Variants in DPP10 observed in about 807,000 individuals in gnomAD.
The protein encoded by DPP10 is inactive dipeptidyl peptidase 10.
DPP10 carries 33 observed loss-of-function variants against 120.9 expected under a neutral mutation model. That is an observed-to-expected ratio of 0.27 (90% CI 0.21 to 0.37). DPP10 has a LOEUF of 0.37. Ranked by LOEUF, DPP10 falls within the 10% of genes least tolerant of loss-of-function variation. DPP10 has a pLI of 1.00. For synonymous variants in DPP10, 337 were observed against 326.1 expected (o/e 1.03, Z -0.36); for missense variants, 816 against 942.8 (o/e 0.87, Z 1.76).
intron 24 of DPP10, among the ~76,000 whole-genome samples, chr2:115,839,458 G>C (rs1689859193): frequency 6.6e-6 from 1 of 151,970 alleles, no homozygotes; most frequent in Non-Finnish European, 1.5e-5. Flanking sequence ...GGCAGCTCAC[G>C]AGGTCAGGAG....
intron 3 of DPP10, among the ~76,000 whole-genome samples, chr2:115,375,381 G>A (rs1416247993): frequency 6.6e-6 from 1 of 152,172 alleles, no homozygotes; most frequent in Non-Finnish European, 1.5e-5. Flanking sequence ...ATTTCCACCT[G>A]AGATGACCTC....
chr2:115,460,361 T>G (rs936926809), intron 3 of DPP10, among the ~76,000 whole-genome samples: 6 of 152,182 alleles, frequency 3.9e-5, no homozygotes, highest in Non-Finnish European at 8.8e-5. Context: ...ACCAGGAGTT[T>G]TATCTATTTG....
rs867765161 is a variant in DPP10, at chr2:115,137,025, T to C, written c.61-172214T>C. On this transcript the variant is annotated intron_variant, in intron 1 of 25. Transcript: ENST00000410059. ...TGGCTATTCCCTTGAATAGTCCAGATGACTTTGCTCTTAACAAGGCAGTCC... is the reference window on the plus strand; with the variant it reads ...TGGCTATTCCCTTGAATAGTCCAGACGACTTTGCTCTTAACAAGGCAGTCC... 3.9e-5 allele frequency among the ~76,000 whole-genome samples: 6 copies of C among 152,168 alleles called. No homozygotes were observed. In the South Asian group the frequency reaches 8.3e-4, roughly 21 times the overall value.
chr2:115,311,382 C>T (rs939552897), intron 2 of DPP10, among the ~76,000 whole-genome samples: 1 of 152,142 alleles, frequency 6.6e-6, no homozygotes, highest in Non-Finnish European at 1.5e-5. Flanking sequence ...TACTTATTGA[C>T]CACCAGAAAC....
At chr2:115,838,985 T>C (rs1188984374) in intron 24 of DPP10, among the ~76,000 whole-genome samples, 32 of 152,060 alleles carry the variant, frequency 2.1e-4, no homozygotes, top group Admixed American at 2.1e-3. Context: ...AACAGACAAA[T>C]AGCAACAAAT....
At chr2:114,885,601 C>T (rs149991490) in intron 1 of DPP10, among the ~76,000 whole-genome samples, 2 of 152,188 alleles carry the variant, frequency 1.3e-5, no homozygotes, top group East Asian at 3.9e-4. Context: ...TGTAACATGG[C>T]CTTTGAACTT....
chr2:115,585,665 T>C (rs1410714368), intron 5 of DPP10, among the ~76,000 whole-genome samples: 4 of 152,216 alleles, frequency 2.6e-5, no homozygotes, highest in Non-Finnish European at 5.9e-5. Flanking sequence ...CTATAATCCA[T>C]TGGTATCTTC....
intron 1 of DPP10, among the ~76,000 whole-genome samples, chr2:115,184,029 A>G (rs1275562138): frequency 6.6e-6 from 1 of 152,134 alleles, no homozygotes; most frequent in Admixed American, 6.5e-5. Context: ...CATTAGTTTT[A>G]ACTTTAAATA....
At chr2:114,748,146 G>T (rs551547407) in intron 1 of DPP10, among the ~76,000 whole-genome samples, 1 of 151,888 alleles carries the variant, frequency 6.6e-6, no homozygotes, top group African/African-American at 2.4e-5. Context: ...ATATATCCAT[G>T]AAAAACTGGA....
rs943292400 is a variant in DPP10, at chr2:115,001,045, A to G, written c.61-308194A>G. The stretch of plus-strand genomic sequence containing the variant: ...GAGCAAGAAAATGTAGAACCTATCA[A>G]ATAAACTTTGAGAACCATTAACTTG... On this transcript the variant is annotated intron_variant, in intron 1 of 25. Coordinates refer to ENST00000410059, the MANE Select transcript of DPP10 (RefSeq NM_020868.6). Among the ~76,000 whole-genome samples the G allele has an allele frequency of 2.0e-5, 3 of 152,318 alleles. No homozygotes were observed. In the South Asian group the frequency reaches 6.2e-4, roughly 32 times the overall value.
chr2:114,796,589 A>G (rs1452129531), intron 1 of DPP10, among the ~76,000 whole-genome samples: 3 of 152,150 alleles, frequency 2.0e-5, no homozygotes, highest in Admixed American at 6.5e-5. Context: ...AGTTGTACTC[A>G]GATTTTTGAC....
intron 1 of DPP10, among the ~76,000 whole-genome samples, chr2:115,004,665 T>A (rs924197568): frequency 3.9e-5 from 6 of 152,166 alleles, no homozygotes; most frequent in Non-Finnish European, 7.3e-5. Context: ...TCCGTTGGGC[T>A]TAAAAAACGG....
At chr2:115,783,011 A>G (rs1156930567) in intron 17 of DPP10, among the ~76,000 whole-genome samples, 1 of 152,126 alleles carries the variant, frequency 6.6e-6, no homozygotes, top group Non-Finnish European at 1.5e-5. Flanking sequence ...GGTTGAGCTT[A>G]TCTTAAAAAT....
At chr2:115,634,953 T>C (rs1027635269) in intron 5 of DPP10, among the ~76,000 whole-genome samples, 2 of 151,780 alleles carry the variant, frequency 1.3e-5, no homozygotes, top group African/African-American at 4.8e-5. Context: ...CCTAGGGAAA[T>C]GGTGTGGGTA....
intron 1 of DPP10, among the ~76,000 whole-genome samples, chr2:114,822,904 C>A (rs1686219163): frequency 6.6e-6 from 1 of 152,186 alleles, no homozygotes; most frequent in Non-Finnish European, 1.5e-5. Context: ...CTTTACTGTT[C>A]ATATCTCTGT....
At chr2:115,387,141 C>G (rs1471269462) in intron 3 of DPP10, among the ~76,000 whole-genome samples, 2 of 151,978 alleles carry the variant, frequency 1.3e-5, no homozygotes, top group Non-Finnish European at 2.9e-5. Context: ...TTGCCTGGCC[C>G]TTCTGTGCTC....
chr2:114,987,032 G>A (rs1338450541), intron 1 of DPP10, among the ~76,000 whole-genome samples: 2 of 151,900 alleles, frequency 1.3e-5, no homozygotes, highest in East Asian at 1.9e-4. Flanking sequence ...CTCCCACCTC[G>A]GCCTCCCAAA....
At chr2:114,580,899 A>G (rs1409747544) in intron 1 of DPP10, among the ~76,000 whole-genome samples, 4 of 152,082 alleles carry the variant, frequency 2.6e-5, no homozygotes, top group African/African-American at 9.7e-5. Flanking sequence ...TCAGCTGGCC[A>G]TGATCCCCCG....
At chr2:115,303,413 A>AT (rs2061228479) in intron 1 of DPP10, among the ~76,000 whole-genome samples, 2 of 151,882 alleles carry the variant, frequency 1.3e-5, no homozygotes, top group Admixed American at 1.3e-4. Flanking sequence ...AGAAATGCAC[A>AT]TTTTGTGGAC....
Sources: gnomAD v4.1 joint callset for allele counts (sites outside exome capture counted in the v4.1 genomes callset) on GRCh38, gnomAD v4.1.1 for gene constraint, MANE v1.5 for transcripts, NCBI Gene and HGNC (gene_info 2026-07-23, HGNC 2026-07-21) for gene names.